The following PTGES3 variants were observed in gnomAD, a reference collection of about 807,000 sequenced individuals.
PTGES3 encodes the protein prostaglandin E synthase 3, also known as Hsp90 co-chaperone.
PTGES3 carries 5 observed loss-of-function variants against 29.9 expected under a neutral mutation model. That is an observed-to-expected ratio of 0.17 (90% confidence interval 0.09 to 0.35). PTGES3 has a LOEUF of 0.35. PTGES3 is among the 10% of genes least tolerant of loss of function. The pLI is 1.00. For synonymous variants in PTGES3, 49 were observed against 57.8 expected, an observed-to-expected ratio of 0.85 and a Z score of 0.69; for missense variants, 128 against 190.0, an observed-to-expected ratio of 0.67 and a Z score of 1.92.
rs1236811468 is a variant in PTGES3 at position 56,677,525 on chromosome 12, T to C, written c.3-4460A>G. Among the ~76,000 whole-genome samples, 3 of 152,128 alleles carry C rather than the reference T, an allele frequency of 2.0e-5. No homozygotes were observed. In the East Asian group the frequency reaches 5.8e-4, roughly 29 times the overall value. ...TAGCTATTGGAAAAACGAATTTACA[T>C]TATTGGAAAGAAAAATATATATAGT... On this transcript the variant is annotated intron_variant, in intron 1 of 7. Coordinates refer to ENST00000262033, the MANE Select transcript of PTGES3 (RefSeq NM_006601.7).
At chr12:56,674,699 G>A (rs968864864) in intron 1 of PTGES3, among the ~76,000 whole-genome samples, 1 of 151,330 alleles carries the variant, frequency 6.6e-6, no homozygotes, top group African/African-American at 2.4e-5. Flanking sequence ...GGTGGTAGGC[G>A]CCTGTAGTCC....
chr12:56,688,105 C>T lies in PTGES3; in HGVS notation c.-106G>A, dbSNP rs1952974402. 1.4e-6 allele frequency: 2 copies of T among 1,426,960 alleles called. No individual in the cohort carries two copies. Among genetic ancestry groups the T allele is most frequent in the South Asian group, 1.5e-5 (1 of 67,434 alleles). The allele number at this position is 1,426,960 out of a possible 1,614,324, so 88.4% of individuals were successfully genotyped here. ...CGGTGGCGACTCCGCTTTTTCTCTC[C>T]GGTCGCGGCCTCTTCTCGCTTCCCT... is the stretch of plus-strand genomic sequence containing the variant. On this transcript the variant is annotated 5_prime_UTR_variant, in exon 1 of 8. Coordinates refer to ENST00000262033, the MANE Select transcript of PTGES3 (RefSeq NM_006601.7).
At chr12:56,676,915 C>T (rs1300127115) in intron 1 of PTGES3, among the ~76,000 whole-genome samples, 12 of 75,896 alleles carry the variant, frequency 1.6e-4, no homozygotes, top group Admixed American at 8.3e-4. Context: ...AGTGAGATTC[C>T]GACTCAAAAA....
chr12:56,679,925 T>C (rs1478422212), intron 1 of PTGES3, among the ~76,000 whole-genome samples: 2 of 152,008 alleles, frequency 1.3e-5, no homozygotes, highest in African/African-American at 4.8e-5. Flanking sequence ...TCCACCTGCC[T>C]TGGCTTCCCA....
chr12:56,664,310 T>C lies in PTGES3; in HGVS notation c.*169A>G, dbSNP rs1215480375. 2 of 681,974 alleles carry C rather than the reference T, an allele frequency of 2.9e-6. No individual in the cohort carries two copies. The highest frequency in any genetic ancestry group is 5.0e-6 in the Non-Finnish European group (2 of 400,626). The allele number at this position is 681,974 out of a possible 1,614,324, so 42.2% of individuals were successfully genotyped here. ...AAATTGCCCCATACAATGGTACATA[T>C]CAACCCTTAGTGAAGCCTTTTAAAA... is the stretch of plus-strand genomic sequence containing the variant. On this transcript the variant is annotated 3_prime_UTR_variant, in exon 8 of 8. Transcript: ENST00000262033.
At chr12:56,672,278 T>C (rs1952034746) in intron 3 of PTGES3, among the ~76,000 whole-genome samples, 1 of 151,986 alleles carries the variant, frequency 6.6e-6, no homozygotes, top group African/African-American at 2.4e-5. Context: ...CCGAGGCAGG[T>C]GGAACACCTG....
intron 3 of PTGES3, 125 bp downstream of exon 3, chr12:56,672,615 T>A (rs1216637869): frequency 8.8e-7 from 1 of 1,134,712 alleles, no homozygotes. Context: ...TTCTACAAAA[T>A]GTAAATATAC....
intron 5 of PTGES3, among the ~76,000 whole-genome samples, chr12:56,666,965 G>A (rs1951815122): frequency 6.6e-6 from 1 of 150,896 alleles, no homozygotes; most frequent in Admixed American, 6.6e-5. Context: ...TGTTGCCCAG[G>A]TTGGAGTGCA....
Position 56,664,763 on chromosome 12 carries a change from T to C in PTGES3, c.463+13A>G, listed in dbSNP as rs373870336. On this transcript the variant is annotated intron_variant, in intron 7 of 7. Coordinates refer to ENST00000262033, the MANE Select transcript of PTGES3 (RefSeq NM_006601.7). ...AGTATCACTGTATAAACATACTTTT[T>C]ATATACACTTACTTTCATCATCACT... 1.3e-6 allele frequency: 2 copies of C among 1,591,814 alleles called. No individual in the cohort carries two copies. Among genetic ancestry groups the C allele is most frequent in the African/African-American group, 2.7e-5 (2 of 74,106 alleles).
chr12:56,673,919 G>A (rs150645772), intron 1 of PTGES3, among the ~76,000 whole-genome samples: 1 of 151,972 alleles, frequency 6.6e-6, no homozygotes. Context: ...GGTGAGCTGA[G>A]ATCATGCCAC....
At chr12:56,687,535 G>T in intron 1 of PTGES3, 3 of 1,006,536 alleles carry the variant, frequency 3.0e-6, no homozygotes, top group Non-Finnish European at 3.6e-6. Context: ...GCTCTCCCAG[G>T]AGCTCCGCCA....
chr12:56,666,179 C>G (rs989575937), intron 6 of PTGES3, 25 bp downstream of exon 6: 1 of 1,592,332 alleles, frequency 6.3e-7, no homozygotes. Flanking sequence ...TGAAAGTAAA[C>G]AGAAAAAAGA....
chr12:56,674,469 T>C (rs1952134607), intron 1 of PTGES3, among the ~76,000 whole-genome samples: 1 of 151,496 alleles, frequency 6.6e-6, no homozygotes, highest in African/African-American at 2.4e-5. Flanking sequence ...GGCAGGTGGA[T>C]CACCTGAGGT....
chr12:56,685,978 T>C (rs938715746), intron 1 of PTGES3, among the ~76,000 whole-genome samples: 3 of 151,844 alleles, frequency 2.0e-5, no homozygotes, highest in East Asian at 1.9e-4. Flanking sequence ...GGTTTCACCA[T>C]ATTGGCCAGG....
At chr12:56,680,686 T>C (rs1268431763) in intron 1 of PTGES3, among the ~76,000 whole-genome samples, 1 of 151,786 alleles carries the variant, frequency 6.6e-6, no homozygotes, top group East Asian at 1.9e-4. Context: ...CTGGCCCAGT[T>C]CTCCTTTCAA....
chr12:56,679,408 C>CAAAAAAAAAAAAAAAAAAA (rs770485836), intron 1 of PTGES3, among the ~76,000 whole-genome samples: 1 of 65,104 alleles, frequency 1.5e-5, no homozygotes, highest in Non-Finnish European at 2.8e-5. Context: ...GACTCTGCCT[C>CAAAAAAAAAAAAAAAAAAA]AAAAAAAAAA....
chr12:56,668,705 C>T (rs916018748), intron 5 of PTGES3, among the ~76,000 whole-genome samples: 1 of 152,152 alleles, frequency 6.6e-6, no homozygotes, highest in Non-Finnish European at 1.5e-5. Flanking sequence ...TAAGCAGTTG[C>T]ATAAAGCTGG....
intron 1 of PTGES3, among the ~76,000 whole-genome samples, chr12:56,675,027 A>AAAAAAAAT (rs71081385): frequency 1.3e-4 from 19 of 144,262 alleles, no homozygotes; most frequent in South Asian, 4.4e-4. Context: ...AAAAAAAAAA[A>AAAAAAAAT]GTGCTGGTTC....
chr12:56,667,597 T>C (rs1951837023), intron 5 of PTGES3, among the ~76,000 whole-genome samples: 1 of 152,192 alleles, frequency 6.6e-6, no homozygotes, highest in Admixed American at 6.5e-5. Context: ...TCCACTTATA[T>C]GAGATACCTA....
Sources: gnomAD v4.1 joint callset for allele counts (sites outside exome capture counted in the v4.1 genomes callset) on GRCh38, gnomAD v4.1.1 for gene constraint, MANE v1.5 for transcripts, NCBI Gene and HGNC (gene_info 2026-07-23, HGNC 2026-07-21) for gene names.